The following REPS1 variants were observed in gnomAD, a reference collection of about 807,000 sequenced individuals.
The protein encoded by REPS1 is ralBP1-associated Eps domain-containing protein 1.
In REPS1, 39 loss-of-function variants were observed where a neutral mutation model predicts 100.9. That is an observed-to-expected ratio of 0.39 (90% confidence interval 0.30 to 0.50). REPS1 has a LOEUF of 0.50. Among genes scored for constraint, REPS1 ranks in the 20% least tolerant of loss-of-function variants. REPS1 has a pLI of 0.86. For synonymous variants in REPS1, 324 were observed against 340.3 expected (o/e 0.95, Z 0.53); for missense variants, 821 against 968.5 (o/e 0.85, Z 2.02).
At chr6:138,940,677 TG>T in intron 8 of REPS1, among the ~76,000 whole-genome samples, 1 of 147,262 alleles carries the variant, frequency 6.8e-6, no homozygotes, top group Non-Finnish European at 1.5e-5. Flanking sequence ...ACCCGGGAGG[TG>T]GAGACTGCAG....
chr6:138,953,665 G>A (rs1783183208), intron 1 of REPS1, among the ~76,000 whole-genome samples: 1 of 137,716 alleles, frequency 7.3e-6, no homozygotes, highest in African/African-American at 3.0e-5. Flanking sequence ...CTCACCCCAG[G>A]GAGGCTGGCT....
chr6:138,945,751 A>G, intron 2 of REPS1, 54 bp from the exon 3 acceptor site: 1 of 1,335,454 alleles, frequency 7.5e-7, no homozygotes, highest in Non-Finnish European at 1.0e-6. Flanking sequence ...ATATATATTG[A>G]AAACTAAAAT....
chr6:138,912,990 A>G lies in REPS1; in HGVS notation c.1786-40T>C, dbSNP rs376596222. 2.1e-5 allele frequency: 32 copies of G among 1,532,722 alleles called. No homozygotes were observed. The African/African-American group carries it at 2.5e-4, about 12-fold the overall frequency. 94.9% of individuals were successfully genotyped at this position (1,532,722 alleles called of 1,614,324 possible). A position where few individuals can be genotyped will look rare whatever the true frequency, so the allele number is the denominator to read the frequency against. Reference sequence around the variant, plus strand: ...AGAACAGAGGAACACACATTCTATCAGCCTATCAGTGTCACAGAGTCATCT... The same window carrying G: ...AGAACAGAGGAACACACATTCTATCGGCCTATCAGTGTCACAGAGTCATCT... On this transcript the variant is annotated intron_variant, in intron 15 of 19. Coordinates refer to ENST00000450536, the MANE Select transcript of REPS1 (RefSeq NM_001286611.2).
chr6:138,942,388 TAG>T (rs1322014599), intron 7 of REPS1, among the ~76,000 whole-genome samples: 3 of 152,198 alleles, frequency 2.0e-5, no homozygotes, highest in Admixed American at 2.0e-4. Context: ...ATTTAGAATA[TAG>T]AGAAATAACA....
rs1330056247 is a variant in REPS1, at chr6:138,903,508, A to T, written c.*1556T>A. 1 of 152,220 alleles carries T rather than the reference A, an allele frequency of 6.6e-6. No homozygotes were observed. Among genetic ancestry groups the T allele is most frequent in the Non-Finnish European group, 1.5e-5 (1 of 68,030 alleles). The allele number at this position is 152,220 out of a possible 1,614,324, so 9.4% of individuals were successfully genotyped here. On this transcript the variant is annotated 3_prime_UTR_variant, in exon 20 of 20. Coordinates refer to ENST00000450536, the MANE Select transcript of REPS1 (RefSeq NM_001286611.2). ...TACTAAAAAGTTTTCTATAATTTTT[A>T]AGTGTTATTTATTGGAAGGCTAAAT... is the stretch of plus-strand genomic sequence containing the variant.
In REPS1 at chr6:138,953,682, A is replaced by C. The variant is rs1166593703; in HGVS notation, c.154-5769T>G. Reference sequence around the variant, plus strand: ...CACCCCAGGGAGGCTGGCTATTATCAAAAAAAAAAAAAAAAATGCTGGCGA... The same window carrying C: ...CACCCCAGGGAGGCTGGCTATTATCCAAAAAAAAAAAAAAAATGCTGGCGA... On this transcript the variant is annotated intron_variant, in intron 1 of 19. Coordinates refer to ENST00000450536, the MANE Select transcript of REPS1 (RefSeq NM_001286611.2). 3.6e-4 allele frequency among the ~76,000 whole-genome samples: 8 copies of C among 21,928 alleles called. No individual in the cohort carries two copies. In the South Asian group the frequency reaches 0.013, roughly 36 times the overall value. The allele number at this position is 21,928 out of a possible 152,430, so 14.4% of individuals were successfully genotyped here. A position where few individuals can be genotyped will look rare whatever the true frequency, so the allele number is the denominator to read the frequency against.
intron 17 of REPS1, among the ~76,000 whole-genome samples, chr6:138,910,309 T>C (rs2128426537): frequency 6.6e-6 from 1 of 152,336 alleles, no homozygotes; most frequent in East Asian, 1.9e-4. Context: ...AAGCAGATGC[T>C]GGTACCATGC....
At chr6:138,928,065 C>T (rs1342567755) in intron 9 of REPS1, 1 of 152,156 alleles carries the variant, frequency 6.6e-6, no homozygotes, top group Non-Finnish European at 1.5e-5. Flanking sequence ...CATCTTCATA[C>T]TTAATTTTTA....
chr6:138,907,635 C>T (rs759034307), intron 18 of REPS1, 35 bp from the exon 19 acceptor site: 75 of 1,276,488 alleles, frequency 5.9e-5, no homozygotes, highest in Admixed American at 1.0e-4. Flanking sequence ...AACCCATAAC[C>T]TTCATTTCTT....
rs71013004 is a variant in REPS1 at position 138,969,269 on chromosome 6, A to ATTTTTTTTTTTTTTTTTTTTTTTTTT, written c.153+18235_153+18260dup. 4.8e-4 allele frequency among the ~76,000 whole-genome samples: 36 copies of ATTTTTTTTTTTTTTTTTTTTTTTTTT among 74,248 alleles called. 3 individuals are homozygous for ATTTTTTTTTTTTTTTTTTTTTTTTTT. Among genetic ancestry groups the ATTTTTTTTTTTTTTTTTTTTTTTTTT allele is most frequent in the Non-Finnish European group, 5.5e-4 (21 of 38,344 alleles). The allele number at this position is 74,248 out of a possible 152,430, so 48.7% of individuals were successfully genotyped here. A position where few individuals can be genotyped will look rare whatever the true frequency, so the allele number is the denominator to read the frequency against. Reference sequence around the variant, plus strand: ...ACACAATCTATGATACAAAGCTGTAATTTTTTTTTTTTTTTTTTTTTTTTT... The same window carrying ATTTTTTTTTTTTTTTTTTTTTTTTTT: ...ACACAATCTATGATACAAAGCTGTAATTTTTTTTTTTTTTTTTTTTTTTTTTTTTTTTTTTTTTTTTTTTTTTTTTT... On this transcript the variant is annotated intron_variant, in intron 1 of 19. Transcript: ENST00000450536.
chr6:138,955,456 A>AGTGTGTGTG (rs1562552291), intron 1 of REPS1, among the ~76,000 whole-genome samples: 9 of 46,858 alleles, frequency 1.9e-4, no homozygotes, highest in Non-Finnish European at 3.0e-4. Flanking sequence ...AAAAAAAAAA[A>AGTGTGTGTG]AGTGTGTGTG....
chr6:138,934,004 C>A (rs1305814079), intron 8 of REPS1, among the ~76,000 whole-genome samples: 3 of 152,096 alleles, frequency 2.0e-5, no homozygotes, highest in Non-Finnish European at 2.9e-5. Context: ...CCTAGAAAAT[C>A]CAAAAATTGT....
chr6:138,923,515 T>C (rs1310644843), intron 10 of REPS1, among the ~76,000 whole-genome samples: 3 of 152,344 alleles, frequency 2.0e-5, no homozygotes, highest in African/African-American at 4.8e-5. Context: ...CATTTTCATA[T>C]ATTTGCAGTG....
chr6:138,919,946 C>G (rs1352693975), intron 12 of REPS1, among the ~76,000 whole-genome samples: 1 of 152,148 alleles, frequency 6.6e-6, no homozygotes, highest in East Asian at 1.9e-4. Context: ...TACACAATTT[C>G]TTGTGTGATA....
intron 13 of REPS1, among the ~76,000 whole-genome samples, 173 bp downstream of exon 13, chr6:138,917,382 T>C (rs1264273773): frequency 6.6e-6 from 1 of 152,234 alleles, no homozygotes; most frequent in East Asian, 1.9e-4. Context: ...AGGGTTCTTT[T>C]TGTTTTTCTA....
chr6:138,978,933 A>G (rs1784753953), intron 1 of REPS1, among the ~76,000 whole-genome samples: 1 of 152,130 alleles, frequency 6.6e-6, no homozygotes, highest in Admixed American at 6.5e-5. Context: ...CTGTAATCCC[A>G]GCACTTTGGG....
In REPS1 at chr6:138,941,382, A is replaced by G. The variant is rs769508587; in HGVS notation, c.1088T>C (p.Leu363Pro). Residue 363 changes from leucine to proline, a missense_variant, in exon 8 of 20, where the codon CTT (leucine) becomes CCT (proline). By Grantham distance (98) the Leu-to-Pro change is moderately conservative. Around this residue, in one of 3 missense-constraint regions of REPS1, gnomAD observed 757 missense variants for 866.4 expected, o/e 0.87. Coordinates refer to ENST00000450536, the MANE Select transcript of REPS1 (RefSeq NM_001286611.2). ...CAGTTTGGGCATTAAGCTTTCAGGA[A>G]GTTTTTCTGGTAAATCATAGCCATT... ...RKNGYDLPEK[L>P]PESLMPKLID... 6.2e-7 allele frequency: 1 copy of G among 1,614,078 alleles called. No individual in the cohort carries two copies.
chr6:138,977,348 A>G (rs1784652090), intron 1 of REPS1, among the ~76,000 whole-genome samples: 1 of 152,080 alleles, frequency 6.6e-6, no homozygotes, highest in Non-Finnish European at 1.5e-5. Flanking sequence ...GCATGTTGTT[A>G]TTACAGATGA....
chr6:138,960,716 C>T (rs558639028), intron 1 of REPS1, among the ~76,000 whole-genome samples: 16 of 152,164 alleles, frequency 1.1e-4, no homozygotes, highest in Non-Finnish European at 2.2e-4. Flanking sequence ...GATTATTCTT[C>T]GATACTACAT....
Sources: gnomAD v4.1 joint callset for allele counts (sites outside exome capture counted in the v4.1 genomes callset) on GRCh38, gnomAD v4.1.1 for gene constraint, gnomAD v4.1.1 regional missense constraint, MANE v1.5 for transcripts, NCBI Gene and HGNC (gene_info 2026-07-23, HGNC 2026-07-21) for gene names.